DNAH12: variants seen among roughly 807,000 people sequenced by gnomAD.
DNAH12 encodes the protein dynein axonemal heavy chain 12.
DNAH12 carries 285 observed loss-of-function variants against 371.5 expected under a neutral mutation model. The observed-to-expected ratio is 0.77, with a 90% CI of 0.70 to 0.85. DNAH12 has a LOEUF of 0.85. DNAH12 is among the 40% of genes least tolerant of loss of function. The pLI is 0.00. For synonymous variants in DNAH12, 1,200 were observed against 1,213.0 expected (o/e 0.99, Z 0.22); for missense variants, 3,611 against 3,689.4 (o/e 0.98, Z 0.55).
chr3:57,446,811 T>C, intron 25 of DNAH12, 122 bp from the exon 26 acceptor site: 2 of 1,055,366 alleles, frequency 1.9e-6, no homozygotes, highest in Non-Finnish European at 2.5e-6. Context: ...TATAATTACA[T>C]TGTTTAATTT....
chr3:57,296,328 A>T lies in DNAH12; in HGVS notation c.11624+16T>A. 6.5e-7 allele frequency: 1 copy of T among 1,533,382 alleles called. No homozygotes were observed. 95.0% of individuals were successfully genotyped at this position (1,533,382 alleles called of 1,614,324 possible). On this transcript the variant is annotated intron_variant, in intron 72 of 73. Transcript: ENST00000495027. Reference sequence around the variant, plus strand: ...CAGCTACAAATGAAGAGGTCCTGGCAGCTGAATCCACTGACCTTTCTCGGT... The same window carrying T: ...CAGCTACAAATGAAGAGGTCCTGGCTGCTGAATCCACTGACCTTTCTCGGT...
intron 17 of DNAH12, 87 bp from the exon 18 acceptor site, chr3:57,462,962 G>T: frequency 1.2e-6 from 1 of 837,234 alleles, no homozygotes; most frequent in Non-Finnish European, 1.8e-6. Flanking sequence ...ATGATATAAG[G>T]GTTACATTTC....
intron 17 of DNAH12, among the ~76,000 whole-genome samples, chr3:57,467,520 T>C (rs530490428): frequency 1.3e-4 from 20 of 152,196 alleles, no homozygotes; most frequent in Non-Finnish European, 2.6e-4. Flanking sequence ...TTTTTTAATG[T>C]ATTCATCTAG....
intron 62 of DNAH12, among the ~76,000 whole-genome samples, chr3:57,325,703 G>A (rs1203694195): frequency 6.6e-6 from 1 of 152,182 alleles, no homozygotes; most frequent in East Asian, 1.9e-4. Flanking sequence ...CACCAGCAAT[G>A]GAACAAAGCT....
rs141030259 is a variant in DNAH12, at chr3:57,502,960, G to A, written c.1087-481C>T. Among the ~76,000 whole-genome samples the A allele has an allele frequency of 4.7e-3, 722 of 152,318 alleles. 5 individuals carry two copies. The highest frequency in any genetic ancestry group is 7.0e-3 in the Non-Finnish European group (477 of 68,026). ...CTCCCAAAGTGTTAGGATTACAGGC[G>A]TGAGCCATTGCGCCTGGCCTATATG... On this transcript the variant is annotated intron_variant, in intron 9 of 73. Coordinates refer to ENST00000495027, the MANE Select transcript of DNAH12 (RefSeq NM_001366028.2).
chr3:57,300,234 T>C (rs2061318341), intron 70 of DNAH12, among the ~76,000 whole-genome samples: 1 of 152,332 alleles, frequency 6.6e-6, no homozygotes, highest in East Asian at 1.9e-4. Context: ...TTACTGACCA[T>C]GACGCTGGCC....
At chr3:57,476,450 G>C (rs543837103) in intron 13 of DNAH12, among the ~76,000 whole-genome samples, 1 of 152,258 alleles carries the variant, frequency 6.6e-6, no homozygotes, top group South Asian at 2.1e-4. Context: ...TGTACTCCCA[G>C]CTACTCAGGA....
chr3:57,370,903 C>T (rs1401520157), intron 55 of DNAH12, among the ~76,000 whole-genome samples: 1 of 152,106 alleles, frequency 6.6e-6, no homozygotes, highest in Non-Finnish European at 1.5e-5. Flanking sequence ...GAAGCTGAAA[C>T]TCACAAAAGG....
chr3:57,479,631 C>A (rs764819215), intron 13 of DNAH12, among the ~76,000 whole-genome samples: 1 of 152,156 alleles, frequency 6.6e-6, no homozygotes, highest in Non-Finnish European at 1.5e-5. Context: ...CTTCTCAGCA[C>A]CACACAGCAC....
At chr3:57,431,895 G>A (rs1341473148) in intron 32 of DNAH12, among the ~76,000 whole-genome samples, 2 of 152,020 alleles carry the variant, frequency 1.3e-5, no homozygotes, top group Non-Finnish European at 2.9e-5. Flanking sequence ...ATCACTTCAC[G>A]AAGAAAAGAG....
At chr3:57,391,604 C>T (rs1046355089) in intron 45 of DNAH12, among the ~76,000 whole-genome samples, 2 of 152,148 alleles carry the variant, frequency 1.3e-5, no homozygotes, top group Non-Finnish European at 2.9e-5. Flanking sequence ...TCACTGCCTT[C>T]GTATATATAC....
chr3:57,342,855 T>G (rs1421281293), intron 60 of DNAH12, among the ~76,000 whole-genome samples: 1 of 151,990 alleles, frequency 6.6e-6, no homozygotes, highest in African/African-American at 2.4e-5. Flanking sequence ...GGTGGATCAC[T>G]TTAGCCCAGG....
At chr3:57,409,575 G>T (rs1438828125) in intron 39 of DNAH12, among the ~76,000 whole-genome samples, 2 of 151,942 alleles carry the variant, frequency 1.3e-5, no homozygotes, top group African/African-American at 4.8e-5. Context: ...GAGGAATAGT[G>T]ATTATCTCCT....
chr3:57,369,590 C>T (rs1276934487), intron 55 of DNAH12, among the ~76,000 whole-genome samples: 2 of 151,854 alleles, frequency 1.3e-5, no homozygotes, highest in African/African-American at 4.8e-5. Flanking sequence ...GCTGAAATCC[C>T]ACCTAAAGTA....
chr3:57,421,420 A>T (rs2064575772), intron 36 of DNAH12, 98 bp downstream of exon 36: 1 of 1,179,158 alleles, frequency 8.5e-7, no homozygotes, highest in African/African-American at 1.6e-5. Flanking sequence ...AGCTCACCGC[A>T]GGAGTCAAAA....
chr3:57,400,447 T>TCCC (rs2063833685), intron 43 of DNAH12, among the ~76,000 whole-genome samples: 2 of 152,112 alleles, frequency 1.3e-5, no homozygotes, highest in African/African-American at 4.8e-5. Context: ...AATACAGTAG[T>TCCC]CCCCCCTTAT....
At chr3:57,476,779 A>G (rs916454115) in intron 13 of DNAH12, among the ~76,000 whole-genome samples, 37 of 152,346 alleles carry the variant, frequency 2.4e-4, no homozygotes, top group South Asian at 1.2e-3. Flanking sequence ...TAAACAAAGA[A>G]TAAGAGTAAA....
chr3:57,370,950 T>G (rs901948164), intron 55 of DNAH12, among the ~76,000 whole-genome samples: 6 of 152,148 alleles, frequency 3.9e-5, no homozygotes, highest in African/African-American at 2.4e-5. Flanking sequence ...TTCAAGCCTA[T>G]GCATAAAGAG....
At chr3:57,472,287 C>A (rs796080160) in intron 14 of DNAH12, among the ~76,000 whole-genome samples, 2 of 152,126 alleles carry the variant, frequency 1.3e-5, no homozygotes, top group South Asian at 2.1e-4. Flanking sequence ...AAAGCACTTT[C>A]TCAGTTAAGT....
Sources: gnomAD v4.1 joint callset for allele counts (sites outside exome capture counted in the v4.1 genomes callset) on GRCh38, gnomAD v4.1.1 for gene constraint, MANE v1.5 for transcripts, NCBI Gene and HGNC (gene_info 2026-07-23, HGNC 2026-07-21) for gene names.